The following CRTAM variants were observed in gnomAD, a reference collection of about 807,000 sequenced individuals.
The protein encoded by CRTAM is cytotoxic and regulatory T-cell molecule.
CRTAM carries 44 observed loss-of-function variants against 50.0 expected under a neutral mutation model. The ratio of observed to expected loss-of-function variants is 0.88; its 90% CI spans 0.69 to 1.13. The LOEUF (loss-of-function observed/expected upper bound fraction) is 1.13, where lower values mean the gene tolerates loss of function less well. Ranked by LOEUF, CRTAM falls within the 50% of genes most tolerant of loss-of-function variation. The probability of loss-of-function intolerance (pLI) is 0.00; values close to 1 mark genes in which losing one functional copy is unlikely to be tolerated. For missense variants in CRTAM, 448 were observed against 457.5 expected (o/e 0.98, Z 0.19); for synonymous variants, 159 against 169.3 (o/e 0.94, Z 0.47).
At chr11:122,865,265 C>T (rs549543911) in intron 7 of CRTAM, among the ~76,000 whole-genome samples, 3 of 152,260 alleles carry the variant, frequency 2.0e-5, no homozygotes, top group East Asian at 3.9e-4. Flanking sequence ...GAACTCCCGA[C>T]CTCCGGTGAT....
chr11:122,868,049 G>C lies in CRTAM; in HGVS notation c.1001G>C (p.Arg334Thr), dbSNP rs749552295. ...TCAGAACACACACTAGAAAGTTACA[G>C]ATCAAGGTCAAATAATGAAGAAACA... Reference protein sequence around the residue: ...EVSEHTLESYRSRSNNEETSS... With the variant: ...EVSEHTLESYTSRSNNEETSS... The change falls in exon 9 of 10, where the codon AGA becomes ACA. Residue 334 changes from arginine to threonine, a missense_variant. By Grantham distance (71) the Arg-to-Thr change is moderately conservative. Coordinates refer to ENST00000227348, the MANE Select transcript of CRTAM (RefSeq NM_019604.4). 4 of 1,613,322 alleles carry C rather than the reference G, an allele frequency of 2.5e-6. No individual in the cohort carries two copies. The highest frequency in any genetic ancestry group is 3.4e-6 in the Non-Finnish European group (4 of 1,179,556).
At chr11:122,868,252 A>C (rs1862208080) in intron 9 of CRTAM, among the ~76,000 whole-genome samples, 153 bp downstream of exon 9, 4 of 136,004 alleles carry the variant, frequency 2.9e-5, no homozygotes. Context: ...GGTGGGATTT[A>C]TTAGGGGAAT....
chr11:122,871,249 T>C lies in CRTAM; in HGVS notation c.1052-20T>C, dbSNP rs778296301. 6.3e-7 allele frequency: 1 copy of C among 1,597,686 alleles called. No homozygotes were observed. The highest frequency in any genetic ancestry group is 2.2e-5 in the East Asian group (1 of 44,516). The stretch of plus-strand genomic sequence containing the variant: ...TGTTATTCAAAATAAATATTCATCT[T>C]CAACATGTTTTTCTTTCAGCTTCCC... On this transcript the variant is annotated intron_variant, in intron 9 of 9. Coordinates refer to ENST00000227348, the MANE Select transcript of CRTAM (RefSeq NM_019604.4).
At chr11:122,840,140 T>A (rs1048405884) in intron 1 of CRTAM, among the ~76,000 whole-genome samples, 9 of 152,224 alleles carry the variant, frequency 5.9e-5, no homozygotes, top group African/African-American at 9.6e-5. Context: ...ATACATTTTT[T>A]AAATAAATAG....
chr11:122,858,082 T>A (rs1862027780), intron 5 of CRTAM, among the ~76,000 whole-genome samples: 1 of 152,068 alleles, frequency 6.6e-6, no homozygotes, highest in African/African-American at 2.4e-5. Context: ...CTGGCTAATT[T>A]TTAAATTTTT....
chr11:122,839,321 A>T (rs1861772182), intron 1 of CRTAM, among the ~76,000 whole-genome samples: 1 of 152,238 alleles, frequency 6.6e-6, no homozygotes, highest in Admixed American at 6.5e-5. Flanking sequence ...TCTTAAAATG[A>T]AAATGATAAA....
chr11:122,854,105 C>T lies in CRTAM; in HGVS notation c.490+19C>T. 1.2e-6 allele frequency: 2 copies of T among 1,604,616 alleles called. No homozygotes were observed. Among genetic ancestry groups the T allele is most frequent in the South Asian group, 1.1e-5 (1 of 88,940 alleles). ...GTGTCCGGTAAGGGGAGAAATGGTTCTCTTTGTCTTCCTTCCTACTCAAAT... is the reference window on the plus strand; with the variant it reads ...GTGTCCGGTAAGGGGAGAAATGGTTTTCTTTGTCTTCCTTCCTACTCAAAT... On this transcript the variant is annotated intron_variant, in intron 4 of 9. Transcript: ENST00000227348.
Position 122,853,976 on chromosome 11 carries a change from T to A in CRTAM, c.380T>A (p.Val127Asp). 1 of 1,614,110 alleles carries A rather than the reference T, an allele frequency of 6.2e-7. No individual in the cohort carries two copies. The highest frequency in any genetic ancestry group is 1.1e-5 in the South Asian group (1 of 91,056). The change falls in exon 4 of 10, where the codon GTT becomes GAT. Residue 127 changes from valine (V) to aspartate (D), a missense_variant. Coordinates refer to ENST00000227348, the MANE Select transcript of CRTAM (RefSeq NM_019604.4). ...TPFKPILEAS[V>D]IRKQNGEEHV... ...TTCAAGCCAATCCTGGAAGCTTCAG[T>A]TATCAGAAAGCAAAATGGAGAAGAA...
intron 1 of CRTAM, among the ~76,000 whole-genome samples, chr11:122,843,385 C>T (rs1052711032): frequency 1.3e-5 from 2 of 152,122 alleles, no homozygotes; most frequent in African/African-American, 4.8e-5. Flanking sequence ...AATGACAAAG[C>T]CCAGAAGTCA....
chr11:122,854,940 A>G (rs1210595850), intron 4 of CRTAM, among the ~76,000 whole-genome samples: 2 of 152,096 alleles, frequency 1.3e-5, no homozygotes, highest in Non-Finnish European at 2.9e-5. Flanking sequence ...TACCTTTGAT[A>G]TCTATGTAAT....
chr11:122,838,578 G>T lies in CRTAM; in HGVS notation c.32G>T (p.Trp11Leu). The change falls in exon 1 of 10, where the codon TGG (tryptophan) becomes TTG (leucine). Residue 11 changes from tryptophan (W) to leucine (L), a missense_variant. Trp to Leu is a moderately conservative substitution (Grantham distance 61, BLOSUM62 -2). Transcript: ENST00000227348. ...TGGAGAGTTCTCAGCTTGCTGGCAT[G>T]GTTCCCCTTGCAAGGTAAGGACTTA... MWWRVLSLLA[W>L]FPLQEASLTN... The T allele has an allele frequency of 6.2e-7, 1 of 1,614,176 alleles. No individual in the cohort carries two copies. The highest frequency in any genetic ancestry group is 8.5e-7 in the Non-Finnish European group (1 of 1,180,010).
At chr11:122,842,541 A>G (rs1015950451) in intron 1 of CRTAM, among the ~76,000 whole-genome samples, 14 of 152,184 alleles carry the variant, frequency 9.2e-5, no homozygotes, top group Admixed American at 8.5e-4. Flanking sequence ...GGCCTCCCAA[A>G]GTGCTGGGAT....
intron 1 of CRTAM, among the ~76,000 whole-genome samples, chr11:122,847,048 A>G (rs1157973267): frequency 6.6e-6 from 1 of 152,236 alleles, no homozygotes; most frequent in Non-Finnish European, 1.5e-5. Flanking sequence ...ATACCAAGTA[A>G]AAGAAGAATG....
intron 4 of CRTAM, among the ~76,000 whole-genome samples, chr11:122,855,403 T>C (rs1861992085): frequency 6.6e-6 from 1 of 152,240 alleles, no homozygotes; most frequent in Non-Finnish European, 1.5e-5. Flanking sequence ...GCCTTATTCA[T>C]ATAACCAGAA....
intron 4 of CRTAM, among the ~76,000 whole-genome samples, chr11:122,854,661 C>A (rs200989684): frequency 1.4e-3 from 177 of 127,534 alleles, no homozygotes; most frequent in African/African-American, 1.5e-3. Context: ...AAAATTCTAT[C>A]AAAAAAAAAA....
chr11:122,861,082 T>C (rs1319783812), intron 5 of CRTAM, among the ~76,000 whole-genome samples: 1 of 152,172 alleles, frequency 6.6e-6, no homozygotes, highest in Non-Finnish European at 1.5e-5. Flanking sequence ...GCAGCTCTCC[T>C]CTTTCTTCAA....
At chr11:122,861,420 A>ATTTTTTTT (rs66619023) in intron 5 of CRTAM, among the ~76,000 whole-genome samples, 3 of 25,612 alleles carry the variant, frequency 1.2e-4, no homozygotes, top group African/African-American at 3.1e-4. Context: ...ATATATATAT[A>ATTTTTTTT]TTTTTTTTTT....
intron 1 of CRTAM, among the ~76,000 whole-genome samples, 181 bp downstream of exon 1, chr11:122,838,773 A>G (rs541658347): frequency 2.6e-5 from 4 of 151,940 alleles, no homozygotes; most frequent in Non-Finnish European, 5.9e-5. Context: ...CGTTTATTTG[A>G]TCTCTCGTTC....
Position 122,855,909 on chromosome 11 carries a change from C to T in CRTAM, c.652+53C>T, listed in dbSNP as rs1334293791. On this transcript the variant is annotated intron_variant, in intron 5 of 9. Coordinates refer to ENST00000227348, the MANE Select transcript of CRTAM (RefSeq NM_019604.4). ...TAATTTTTGATTTACTTTAATATTA[C>T]ACTATCAAACAAAATTAAATGCAGT... 7 of 1,440,978 alleles carry T rather than the reference C, an allele frequency of 4.9e-6. No homozygotes were observed. In the Admixed American group the frequency reaches 7.3e-5, roughly 15 times the overall value. 89.3% of individuals were successfully genotyped at this position (1,440,978 alleles called of 1,614,324 possible).
Sources: gnomAD v4.1 joint callset for allele counts (sites outside exome capture counted in the v4.1 genomes callset) on GRCh38, gnomAD v4.1.1 for gene constraint, MANE v1.5 for transcripts, NCBI Gene and HGNC (gene_info 2026-07-23, HGNC 2026-07-21) for gene names.